Variants in TJP3 observed in about 807,000 individuals in gnomAD.
The protein encoded by TJP3 is tight junction protein 3.
In TJP3, 85 loss-of-function variants were observed where a neutral mutation model predicts 104.2. That is an observed-to-expected ratio of 0.82 (90% CI 0.68 to 0.98). The LOEUF (loss-of-function observed/expected upper bound fraction) is 0.98. Among genes scored for constraint, TJP3 ranks in the 50% least tolerant of loss-of-function variants. The pLI is 0.00. For synonymous variants in TJP3, 550 were observed against 550.6 expected (o/e 1.00, Z 0.02); for missense variants, 1,367 against 1,322.8 (o/e 1.03, Z -0.52).
At position 3,747,826 on chromosome 19, in the gene TJP3, C is replaced by T. The variant is rs778495162; in HGVS notation, c.2355C>T (p.Leu785=). 3.7e-5 allele frequency: 60 copies of T among 1,606,612 alleles called. No individual in the cohort carries two copies. Among genetic ancestry groups the T allele is most frequent in the Non-Finnish European group, 4.8e-5 (57 of 1,178,780 alleles). ...LDGSLEDNLD[L]PHHGLADSSA... ...GCTCCTTGGAGGACAACCTAGACCT[C>T]CCTCACCACGGCCTGGCCGACAGCT... Residue 785 remains leucine (L), a synonymous_variant, in exon 19 of 21, where the codon CTC becomes CTT. Coordinates refer to ENST00000541714, the MANE Select transcript of TJP3 (RefSeq NM_001267560.2).
At chr19:3,738,074 G>A (rs2036760701) in intron 11 of TJP3, among the ~76,000 whole-genome samples, 2 of 63,054 alleles carry the variant, frequency 3.2e-5, no homozygotes, top group African/African-American at 6.3e-5. Flanking sequence ...ATGACCCGGA[G>A]AGCAGATGGC....
At chr19:3,710,709 G>A (rs1217273899) in intron 1 of TJP3, among the ~76,000 whole-genome samples, 1 of 152,060 alleles carries the variant, frequency 6.6e-6, no homozygotes, top group African/African-American at 2.4e-5. Flanking sequence ...GGCATTTATT[G>A]TGCACTTACT....
intron 8 of TJP3, 43 bp from the exon 9 acceptor site, chr19:3,735,523 T>A: frequency 6.2e-7 from 1 of 1,604,790 alleles, no homozygotes; most frequent in Non-Finnish European, 8.5e-7. Flanking sequence ...AAATGGCCCC[T>A]TGAAATCCAT....
intron 18 of TJP3, 123 bp from the exon 19 acceptor site, chr19:3,747,671 G>C: frequency 8.0e-7 from 1 of 1,245,596 alleles, no homozygotes; most frequent in Non-Finnish European, 1.1e-6. Context: ...AGCCTCCACT[G>C]AGGCTCCAGG....
At position 3,750,184 on chromosome 19, in the gene TJP3, G is replaced by A. The variant is rs147168220; in HGVS notation, c.2657G>A (p.Arg886Gln). The A allele has an allele frequency of 4.2e-5, 67 of 1,604,808 alleles. No individual in the cohort carries two copies. Among genetic ancestry groups the A allele is most frequent in the Middle Eastern group, 1.6e-4 (1 of 6,074 alleles). The change falls in exon 20 of 21, where the codon CGA (arginine) becomes CAA (glutamine). Residue 886 changes from arginine to glutamine, a missense_variant and splice_region_variant. Transcript: ENST00000541714. ...GGACAGTGGCGACAGGACAGCATGCGGTAAGAACCCCATATTCCAGATTGG... is the reference window on the plus strand; with the variant it reads ...GGACAGTGGCGACAGGACAGCATGCAGTAAGAACCCCATATTCCAGATTGG... ...PQGQWRQDSM[R>Q]TYEREALKKK...
At chr19:3,719,037 A>C (rs2036517781) in intron 1 of TJP3, among the ~76,000 whole-genome samples, 1 of 151,646 alleles carries the variant, frequency 6.6e-6, no homozygotes, top group African/African-American at 2.4e-5. Flanking sequence ...TACAAAAATT[A>C]GCCACGCGTG....
Position 3,750,603 on chromosome 19 carries a change from G to T in TJP3, c.2679G>T (p.Leu893=). The T allele has an allele frequency of 6.2e-7, 1 of 1,608,076 alleles. No homozygotes were observed. Among genetic ancestry groups the T allele is most frequent in the Non-Finnish European group, 8.5e-7 (1 of 1,177,308 alleles). The change falls in exon 21 of 21, where the codon CTG becomes CTT. Residue 893 remains leucine (L), a synonymous_variant. Transcript: ENST00000541714. ...DSMRTYEREA[L]KKKFMRVHDA... is the part of the protein sequence containing the mutation. ...CCAGAACCTATGAACGGGAAGCCCT[G>T]AAGAAAAAGTTTATGCGAGTACATG...
chr19:3,743,998 T>C lies in TJP3; in HGVS notation c.1903T>C (p.Leu635=), dbSNP rs149682162. 133 of 1,614,132 alleles carry C rather than the reference T, an allele frequency of 8.2e-5. No homozygotes were observed. In the African/African-American group the frequency reaches 1.5e-3, roughly 18 times the overall value. ...GPVADIAMQK[L]TAEMPDQFEI... is the part of the protein sequence containing the mutation. Reference sequence around the variant, plus strand: ...CGTGGCCGACATTGCTATGCAGAAGTTGACTGCTGAGATGCCTGACCAGTT... The same window carrying C: ...CGTGGCCGACATTGCTATGCAGAAGCTGACTGCTGAGATGCCTGACCAGTT... Residue 635 remains leucine, a synonymous_variant, in exon 15 of 21, where the codon TTG becomes CTG. Transcript: ENST00000541714.
intron 3 of TJP3, among the ~76,000 whole-genome samples, chr19:3,729,285 A>G (rs1456078433): frequency 6.6e-6 from 1 of 151,944 alleles, no homozygotes; most frequent in East Asian, 1.9e-4. Flanking sequence ...TGCTTCTTGG[A>G]ATTATGTTGT....
chr19:3,714,697 G>C (rs1485001218), intron 1 of TJP3, among the ~76,000 whole-genome samples: 1 of 152,024 alleles, frequency 6.6e-6, no homozygotes, highest in Non-Finnish European at 1.5e-5. Flanking sequence ...CACGAGGTCA[G>C]AGTTCGAGAC....
chr19:3,738,439 T>A, intron 11 of TJP3, 116 bp from the exon 12 acceptor site: 1 of 859,068 alleles, frequency 1.2e-6, no homozygotes, highest in Admixed American at 2.1e-5. Flanking sequence ...CCGGGTCCCT[T>A]GGCAGCAGCT....
intron 1 of TJP3, among the ~76,000 whole-genome samples, chr19:3,708,808 A>T (rs1007431285): frequency 3.9e-5 from 6 of 152,162 alleles, no homozygotes; most frequent in Admixed American, 3.9e-4. Flanking sequence ...TAAAAGGGTC[A>T]TTGTTACCTA....
rs35335659 is a variant in TJP3 at position 3,746,850 on chromosome 19, C to T, written c.2296C>T (p.Arg766Trp). 5.7e-4 allele frequency: 888 copies of T among 1,551,654 alleles called. 5 individuals carry two copies. In the African/African-American group the frequency reaches 0.01, roughly 18 times the overall value. ...LKAIIREQQT[R>W]PIWTAEDQLD... ...GGCCATCATTCGAGAGCAGCAGACGCGGCCCATCTGGACGGCGGAAGATCA... is the reference window on the plus strand; with the variant it reads ...GGCCATCATTCGAGAGCAGCAGACGTGGCCCATCTGGACGGCGGAAGATCA... Residue 766 changes from arginine to tryptophan, a missense_variant, in exon 18 of 21, where the codon CGG becomes TGG. Coordinates refer to ENST00000541714, the MANE Select transcript of TJP3 (RefSeq NM_001267560.2). This position sits in a 1 kb window ranked among gnomAD's most constrained non-coding sequence, Gnocchi z 4.1.
At position 3,739,040 on chromosome 19, in the gene TJP3, G is replaced by T. The variant is rs575647105; in HGVS notation, c.1537G>T (p.Gly513Trp). Residue 513 changes from glycine (G) to tryptophan (W), a missense_variant, in exon 13 of 21, where the codon GGG becomes TGG. Gly to Trp is a radical substitution (Grantham distance 184). Transcript: ENST00000541714. The part of the protein sequence containing the change: ...HVLDTLHPGP[G>W]QSHARGGHWL... ...GCTGGACACGCTGCACCCCGGCCCC[G>T]GGCAGAGCCACGCACGAGGAGGCCA... is the stretch of plus-strand genomic sequence containing the variant. The T allele has an allele frequency of 6.2e-7, 1 of 1,611,210 alleles. No homozygotes were observed. Among genetic ancestry groups the T allele is most frequent in the Non-Finnish European group, 8.5e-7 (1 of 1,178,862 alleles).
At chr19:3,750,487 A>ACACC in intron 20 of TJP3, 95 bp from the exon 21 acceptor site, 1 of 1,084,440 alleles carries the variant, frequency 9.2e-7, no homozygotes, top group Non-Finnish European at 1.4e-6. Context: ...ATCTCTGCCC[A>ACACC]CACCCACTGT....
chr19:3,717,607 TC>T (rs2036492420), intron 1 of TJP3, among the ~76,000 whole-genome samples: 1 of 151,250 alleles, frequency 6.6e-6, no homozygotes, highest in African/African-American at 2.4e-5. Flanking sequence ...GGCTAATTTT[TC>T]GTATTTTTGT....
chr19:3,719,778 T>C (rs2036525906), intron 1 of TJP3, among the ~76,000 whole-genome samples: 1 of 150,980 alleles, frequency 6.6e-6, no homozygotes, highest in African/African-American at 2.4e-5. Context: ...ATAACCTTCA[T>C]GCGATGTGAG....
chr19:3,744,448 G>A lies in TJP3; in HGVS notation c.1939+414G>A, dbSNP rs552376679. Among the ~76,000 whole-genome samples the A allele has an allele frequency of 4.6e-5, 7 of 152,090 alleles. No individual in the cohort carries two copies. The South Asian group carries it at 8.3e-4, about 18-fold the overall frequency. On this transcript the variant is annotated intron_variant, in intron 15 of 20. Transcript: ENST00000541714. Reference sequence around the variant, plus strand: ...TGGGAGTCCGAGGCGGGTGGATCACGAGGTCAAGAGATTGAGACCATCCTG... The same window carrying A: ...TGGGAGTCCGAGGCGGGTGGATCACAAGGTCAAGAGATTGAGACCATCCTG...
chr19:3,711,980 C>A (rs1291469902), intron 1 of TJP3, among the ~76,000 whole-genome samples: 2 of 151,882 alleles, frequency 1.3e-5, no homozygotes, highest in African/African-American at 4.8e-5. Context: ...GCCACCGACC[C>A]GGCCTCAGCA....
Sources: allele counts gnomAD v4.1 joint callset (sites outside exome capture counted in the v4.1 genomes callset), GRCh38; gene constraint gnomAD v4.1.1; non-coding constraint Gnocchi (gnomAD v3.1); transcripts MANE v1.5; gene names NCBI Gene and HGNC (gene_info 2026-07-23, HGNC 2026-07-21).